The following ELMO1 variants were observed in gnomAD, a reference collection of about 807,000 sequenced individuals.
ELMO1 encodes the protein engulfment and cell motility protein 1.
Under a neutral mutation model 98.9 loss-of-function variants are expected in ELMO1, and 26 were observed. The observed-to-expected ratio is 0.26, with a 90% CI of 0.19 to 0.36. ELMO1 has a LOEUF of 0.36. ELMO1 is among the 10% of genes least tolerant of loss of function. The probability of loss-of-function intolerance (pLI) is 1.00; values close to 1 mark genes in which losing one functional copy is unlikely to be tolerated. For synonymous variants in ELMO1, 346 were observed against 346.0 expected (o/e 1.00, Z 0.00); for missense variants, 627 against 935.2 (o/e 0.67, Z 4.30).
chr7:37,001,334 G>C (rs531256343), intron 16 of ELMO1, among the ~76,000 whole-genome samples: 1 of 152,158 alleles, frequency 6.6e-6, no homozygotes, highest in Non-Finnish European at 1.5e-5. Context: ...TACTGGTCAG[G>C]TGGACCATTT....
chr7:37,231,125 G>A (rs991970842), intron 8 of ELMO1, among the ~76,000 whole-genome samples: 2 of 152,072 alleles, frequency 1.3e-5, no homozygotes, highest in Admixed American at 6.5e-5. Context: ...TTGGCTTTAT[G>A]GATTTACATA....
chr7:36,961,756 AAC>A (rs1002876714), intron 16 of ELMO1, among the ~76,000 whole-genome samples: 2 of 152,214 alleles, frequency 1.3e-5, no homozygotes, highest in African/African-American at 2.4e-5. Context: ...ACTTGAAAAA[AAC>A]AGTTTAACAT....
intron 13 of ELMO1, among the ~76,000 whole-genome samples, chr7:37,180,487 GCA>G (rs1269609456): frequency 2.0e-5 from 3 of 152,138 alleles, no homozygotes; most frequent in Non-Finnish European, 4.4e-5. Flanking sequence ...GAAAGGCAAA[GCA>G]CTATTCCAGA....
At chr7:37,046,414 G>T (rs1432545020) in intron 15 of ELMO1, among the ~76,000 whole-genome samples, 3 of 152,180 alleles carry the variant, frequency 2.0e-5, no homozygotes, top group Non-Finnish European at 4.4e-5. Context: ...CCAGGCCTCT[G>T]CCCAGTGGTC....
chr7:37,055,943 G>T lies in ELMO1; in HGVS notation c.1300+40676C>A, dbSNP rs182671310. 2.1e-4 allele frequency among the ~76,000 whole-genome samples: 32 copies of T among 152,284 alleles called. No individual in the cohort carries two copies. In the East Asian group the frequency reaches 5.8e-3, roughly 28 times the overall value. ...TGTTTTATTCCATATAATTCATTAAGATTTAGCATTCAACTTAACTTTAAT... is the reference window on the plus strand; with the variant it reads ...TGTTTTATTCCATATAATTCATTAATATTTAGCATTCAACTTAACTTTAAT... On this transcript the variant is annotated intron_variant, in intron 15 of 21. Coordinates refer to ENST00000310758, the MANE Select transcript of ELMO1 (RefSeq NM_014800.11).
chr7:36,906,588 G>A (rs1470278431), intron 16 of ELMO1, among the ~76,000 whole-genome samples: 2 of 152,186 alleles, frequency 1.3e-5, no homozygotes, highest in Non-Finnish European at 2.9e-5. Flanking sequence ...GGTGCTGGGA[G>A]CAGAGAGAAT....
intron 1 of ELMO1, among the ~76,000 whole-genome samples, chr7:37,376,606 C>A (rs566436091): frequency 4.9e-4 from 75 of 152,216 alleles, no homozygotes; most frequent in African/African-American, 1.6e-3. Flanking sequence ...ACTGACTCAG[C>A]GCATGAAGAC....
chr7:37,193,553 C>T (rs1303630497), intron 13 of ELMO1, among the ~76,000 whole-genome samples: 1 of 152,164 alleles, frequency 6.6e-6, no homozygotes, highest in Non-Finnish European at 1.5e-5. Flanking sequence ...GGGCTCCCTG[C>T]AGGAGCTTAG....
chr7:37,156,341 G>C (rs1188881200), intron 13 of ELMO1, among the ~76,000 whole-genome samples: 1 of 152,126 alleles, frequency 6.6e-6, no homozygotes, highest in Non-Finnish European at 1.5e-5. Flanking sequence ...GAAGGAGACA[G>C]AGATACAAAA....
rs547203246 is a variant in ELMO1, at chr7:37,410,212, C to A, written c.-74+38463G>T. Among the ~76,000 whole-genome samples the A allele has an allele frequency of 5.3e-5, 8 of 152,332 alleles. No homozygotes were observed. In the South Asian group the frequency reaches 1.7e-3, roughly 32 times the overall value. On this transcript the variant is annotated intron_variant, in intron 1 of 21. Coordinates refer to ENST00000310758, the MANE Select transcript of ELMO1 (RefSeq NM_014800.11). Reference sequence around the variant, plus strand: ...TGTAATTGACATGAAAAAAAATGAACTCCCCAGTACTATTGCAGTTTGGTG... The same window carrying A: ...TGTAATTGACATGAAAAAAAATGAAATCCCCAGTACTATTGCAGTTTGGTG...
chr7:37,023,142 C>A lies in ELMO1; in HGVS notation c.1301-9707G>T, dbSNP rs150216307. 4.7e-3 allele frequency among the ~76,000 whole-genome samples: 711 copies of A among 152,154 alleles called. 3 individuals carry two copies. The highest frequency in any genetic ancestry group is 7.5e-3 in the Admixed American group (114 of 15,290). On this transcript the variant is annotated intron_variant, in intron 15 of 21. Coordinates refer to ENST00000310758, the MANE Select transcript of ELMO1 (RefSeq NM_014800.11). Reference sequence around the variant, plus strand: ...AGTGGGAAGATGGCCCAAGAGGGGGCCTCTGAGGGTTGTTTAATATCTTTT... The same window carrying A: ...AGTGGGAAGATGGCCCAAGAGGGGGACTCTGAGGGTTGTTTAATATCTTTT...
chr7:36,936,362 G>A (rs1478049493), intron 16 of ELMO1, among the ~76,000 whole-genome samples: 1 of 152,150 alleles, frequency 6.6e-6, no homozygotes, highest in African/African-American at 2.4e-5. Flanking sequence ...GGGAATCATG[G>A]GGAAATGGGC....
At chr7:37,298,349 T>C (rs1399891109) in intron 4 of ELMO1, among the ~76,000 whole-genome samples, 2 of 149,064 alleles carry the variant, frequency 1.3e-5, no homozygotes, top group Non-Finnish European at 3.0e-5. Flanking sequence ...CATGTGCACA[T>C]TGTGCAGGTT....
intron 4 of ELMO1, among the ~76,000 whole-genome samples, chr7:37,285,760 G>A (rs1044570125): frequency 1.3e-5 from 2 of 152,118 alleles, no homozygotes; most frequent in Admixed American, 6.5e-5. Flanking sequence ...TGTTTCCAGG[G>A]GAGAAGCAAT....
At chr7:37,287,841 T>C (rs529059163) in intron 4 of ELMO1, among the ~76,000 whole-genome samples, 2 of 152,360 alleles carry the variant, frequency 1.3e-5, no homozygotes, top group African/African-American at 4.8e-5. Context: ...TTTTGTTCTC[T>C]AACACACCAA....
chr7:36,994,713 C>G (rs1436944607), intron 16 of ELMO1, among the ~76,000 whole-genome samples: 1 of 152,238 alleles, frequency 6.6e-6, no homozygotes, highest in Non-Finnish European at 1.5e-5. Context: ...ATCCATTTTA[C>G]AAGCATTCTA....
chr7:36,962,831 T>C (rs1157336580), intron 16 of ELMO1, among the ~76,000 whole-genome samples: 2 of 152,202 alleles, frequency 1.3e-5, no homozygotes, highest in African/African-American at 4.8e-5. Context: ...TTTGGGTATG[T>C]GTGTGACTCA....
intron 16 of ELMO1, among the ~76,000 whole-genome samples, chr7:36,897,250 G>A (rs999639319): frequency 1.3e-5 from 2 of 151,970 alleles, no homozygotes; most frequent in Admixed American, 1.3e-4. Context: ...TGAGAGCTGT[G>A]AGACTATGTC....
chr7:37,102,576 A>G (rs1210181898), intron 14 of ELMO1, among the ~76,000 whole-genome samples: 1 of 152,272 alleles, frequency 6.6e-6, no homozygotes, highest in African/African-American at 2.4e-5. Context: ...TGGCAGCAAA[A>G]GGCAACAAAC....
Sources: allele counts gnomAD v4.1 joint callset (sites outside exome capture counted in the v4.1 genomes callset), GRCh38; gene constraint gnomAD v4.1.1; transcripts MANE v1.5; gene names NCBI Gene and HGNC (gene_info 2026-07-23, HGNC 2026-07-21).